CFP: variants seen among roughly 807,000 people sequenced by gnomAD.
CFP encodes the protein properdin.
CFP carries 14 observed loss-of-function variants against 42.1 expected under a neutral mutation model. The observed-to-expected ratio is 0.33, with a 90% CI of 0.22 to 0.52. The LOEUF is 0.52. Ranked by LOEUF, CFP falls within the 20% of genes least tolerant of loss-of-function variation. The pLI is 0.96. For synonymous variants in CFP, 149 were observed against 160.6 expected (o/e 0.93, Z 0.54); for missense variants, 318 against 400.4 (o/e 0.79, Z 1.76).
Position 47,627,660 on chromosome X carries a change from G to A in CFP, c.404-19C>T, listed in dbSNP as rs759575887. ...CCCATCTCTGTGGGAGAGAAGAGAGGGTAATGGGATGGAGGTGGGGTGTCA... is the reference window on the plus strand; with the variant it reads ...CCCATCTCTGTGGGAGAGAAGAGAGAGTAATGGGATGGAGGTGGGGTGTCA... On this transcript the variant is annotated intron_variant, in intron 3 of 8. Transcript: ENST00000396992. 4 of 1,178,331 alleles carry A rather than the reference G, an allele frequency of 3.4e-6. No homozygotes were observed. The Admixed American group carries it at 9.3e-5, about 27-fold the overall frequency.
chrX:47,627,206 G>T lies in CFP; in HGVS notation c.701C>A (p.Pro234His). 1 of 1,211,894 alleles carries T rather than the reference G, an allele frequency of 8.3e-7. No individual in the cohort carries two copies. Among genetic ancestry groups the T allele is most frequent in the Non-Finnish European group, 1.1e-6 (1 of 895,398 alleles). ...CSAPEPSQKP[P>H]GKPCPGLAYE... ...GGCTAGCCCCGGGCAGGGCTTCCCA[G>T]GAGGTTTCTGGGAGGGCTCAGGTGC... Residue 234 changes from proline to histidine, a missense_variant, in exon 5 of 9, where the codon CCT becomes CAT. Transcript: ENST00000396992.
Position 47,624,228 on chromosome X carries a change from T to C in CFP, c.*47A>G. On this transcript the variant is annotated 3_prime_UTR_variant, in exon 9 of 9. Transcript: ENST00000396992. ...GTAGACGAACTCGAAGAGGCTAGTT[T>C]ATTGAGGTTTGGAAGGTCAGGGGGC... 8.4e-7 allele frequency: 1 copy of C among 1,183,762 alleles called. No individual in the cohort carries two copies. The highest frequency in any genetic ancestry group is 1.1e-6 in the Non-Finnish European group (1 of 870,240).
In CFP at chrX:47,624,426, A is replaced by G. The variant is rs137980601; in HGVS notation, c.1259T>C (p.Met420Thr). Residue 420 changes from methionine to threonine, a missense_variant, in exon 9 of 9, where the codon ATG (methionine) becomes ACG (threonine). Physicochemically the swap from Met to Thr is moderately conservative, Grantham distance 81. Coordinates refer to ENST00000396992, the MANE Select transcript of CFP (RefSeq NM_001145252.3). ...GTTCTTCTCGCCCTGACCTTCGACCATGGAAACGGTGGGCCTGAGGCATTA... is the reference window on the plus strand; with the variant it reads ...GTTCTTCTCGCCCTGACCTTCGACCGTGGAAACGGTGGGCCTGAGGCATTA... ...LLPKYPPTVSMVEGQGEKNVT... is the reference protein window; with the variant it reads ...LLPKYPPTVSTVEGQGEKNVT... 2.5e-5 allele frequency: 30 copies of G among 1,207,342 alleles called. No homozygotes were observed. Among genetic ancestry groups the G allele is most frequent in the Non-Finnish European group, 3.2e-5 (29 of 894,151 alleles).
chrX:47,626,374 C>T lies in CFP; in HGVS notation c.1086G>A (p.Gly362=), dbSNP rs1163474042. ...AGCAGTGCCGGATATCCTGCTGTTG[C>T]CCGGCACATCGATGTCCGTCAAACT... ...GRKFDGHRCA[G]QQQDIRHCYS... Residue 362 remains glycine (G), a synonymous_variant, in exon 7 of 9, where the codon GGG becomes GGA. Transcript: ENST00000396992. The T allele has an allele frequency of 2.5e-6, 3 of 1,211,318 alleles. No homozygotes were observed. The highest frequency in any genetic ancestry group is 3.5e-5 in the South Asian group (2 of 56,892).
Position 47,624,061 on chromosome X carries a change from C to T in CFP, c.*214G>A, listed in dbSNP as rs995119531. On this transcript the variant is annotated 3_prime_UTR_variant, in exon 9 of 9. Coordinates refer to ENST00000396992, the MANE Select transcript of CFP (RefSeq NM_001145252.3). Reference sequence around the variant, plus strand: ...GACTGCACACTCGCTTTCACTCCTGCCAACCTGCGACCACAGTGGAAAATA... The same window carrying T: ...GACTGCACACTCGCTTTCACTCCTGTCAACCTGCGACCACAGTGGAAAATA... The T allele has an allele frequency of 5.5e-5, 24 of 437,483 alleles. No individual in the cohort carries two copies. Among genetic ancestry groups the T allele is most frequent in the Non-Finnish European group, 8.9e-5 (22 of 248,500 alleles). The allele number at this position is 437,483 out of a possible 1,213,427, so 36.1% of individuals were successfully genotyped here. A position where few individuals can be genotyped will look rare whatever the true frequency, so the allele number is the denominator to read the frequency against.
chrX:47,626,804 G>T lies in CFP; in HGVS notation c.909C>A (p.Thr303=). ...AGGGCACAGCTGTGTTGCAGATGTG[G>T]GTCCGGGTGGCATCGCCAGCACAGA... ...GPFCAGDATR[T]HICNTAVPCP... Residue 303 remains threonine (T), a synonymous_variant, in exon 6 of 9, where the codon ACC becomes ACA. Coordinates refer to ENST00000396992, the MANE Select transcript of CFP (RefSeq NM_001145252.3). 8.3e-7 allele frequency: 1 copy of T among 1,211,016 alleles called. No homozygotes were observed. The highest frequency in any genetic ancestry group is 1.1e-6 in the Non-Finnish European group (1 of 894,992).
chrX:47,629,702 T>TGGGGGGGGGG, intron 1 of CFP, 28 bp from the exon 2 acceptor site: 1 of 359,808 alleles, frequency 2.8e-6, no homozygotes, highest in Non-Finnish European at 4.9e-6. Flanking sequence ...GATGGGTGGG[T>TGGGGGGGGGG]GGGGCTCGGT....
intron 2 of CFP, 41 bp downstream of exon 2, chrX:47,629,483 C>A (rs1021405990): frequency 1.1e-5 from 9 of 813,532 alleles, no homozygotes; most frequent in African/African-American, 2.1e-5. Context: ...CACAGACAGT[C>A]CTTCCCTCCC....
intron 2 of CFP, chrX:47,628,814 A>T (rs2057979538): frequency 4.4e-6 from 1 of 225,717 alleles, no homozygotes; most frequent in Non-Finnish European, 8.3e-6. Context: ...CCCACGGTGT[A>T]TCTGGGATAT....
intron 4 of CFP, 39 bp downstream of exon 4, chrX:47,627,432 G>A: frequency 8.3e-7 from 1 of 1,209,173 alleles, no homozygotes. Context: ...GACCCACGCT[G>A]GGTGCACCCA....
intron 2 of CFP, 80 bp downstream of exon 2, chrX:47,629,443 GA>G: frequency 1.2e-6 from 1 of 836,232 alleles, no homozygotes; most frequent in Non-Finnish European, 1.7e-6. Flanking sequence ...AAGTCCCAGA[GA>G]AAGAAAGTGC....
intron 2 of CFP, 38 bp downstream of exon 2, chrX:47,629,486 T>TGCCACCCCC: frequency 1.5e-6 from 1 of 669,645 alleles, no homozygotes; most frequent in Non-Finnish European, 2.3e-6. Context: ...AGACAGTCCT[T>TGCCACCCCC]CCCTCCCCCC....
chrX:47,624,175 T>G lies in CFP; in HGVS notation c.*100A>C. The G allele has an allele frequency of 1.1e-6, 1 of 925,319 alleles. No individual in the cohort carries two copies. Among genetic ancestry groups the G allele is most frequent in the Non-Finnish European group, 1.6e-6 (1 of 636,088 alleles). 76.3% of individuals were successfully genotyped at this position (925,319 alleles called of 1,213,427 possible). A position where few individuals can be genotyped will look rare whatever the true frequency, so the allele number is the denominator to read the frequency against. On this transcript the variant is annotated 3_prime_UTR_variant, in exon 9 of 9. Coordinates refer to ENST00000396992, the MANE Select transcript of CFP (RefSeq NM_001145252.3). Reference sequence around the variant, plus strand: ...ATCACCCTACTTTTGGGGAAGGGGATAGGTTGTTTTTCCTCCTTTAAGGAA... The same window carrying G: ...ATCACCCTACTTTTGGGGAAGGGGAGAGGTTGTTTTTCCTCCTTTAAGGAA...
chrX:47,630,107 A>G, upstream of CFP: 1 of 406,215 alleles, frequency 2.5e-6, no homozygotes. Flanking sequence ...GTTCAATAGA[A>G]GCTCCTAGGA....
chrX:47,624,864 G>A (rs2057962770), intron 8 of CFP: 1 of 121,419 alleles, frequency 8.2e-6, no homozygotes, highest in South Asian at 2.9e-4. Context: ...GGATAAATGA[G>A]TTAATTCAGG....
Position 47,628,098 on chromosome X carries a change from T to G in CFP, c.403+4A>C, listed in dbSNP as rs2057976697. 8.3e-7 allele frequency: 1 copy of G among 1,211,210 alleles called. No individual in the cohort carries two copies. The highest frequency in any genetic ancestry group is 3.0e-5 in the East Asian group (1 of 33,839). On this transcript the variant is annotated splice_donor_region_variant and intron_variant, in intron 3 of 8. Coordinates refer to ENST00000396992, the MANE Select transcript of CFP (RefSeq NM_001145252.3). ...TGCTTGCCCGCCTTGCTCATCCTCC[T>G]CACCAGGACAGCACTGCTGGTCCTC...
At chrX:47,628,015 G>A (rs1253038647) in intron 3 of CFP, 87 bp downstream of exon 3, 4 of 1,064,203 alleles carry the variant, frequency 3.8e-6, no homozygotes, top group East Asian at 3.2e-5. Flanking sequence ...CACTGGGGAC[G>A]GGCCCACTCT....
At chrX:47,627,802 A>G (rs2057975561) in intron 3 of CFP, among the ~76,000 whole-genome samples, 161 bp from the exon 4 acceptor site, 1 of 111,491 alleles carries the variant, frequency 9.0e-6, no homozygotes, top group Non-Finnish European at 1.9e-5. Flanking sequence ...CAACCTTCAC[A>G]TGGGTGCCTC....
chrX:47,627,634 G>A lies in CFP; in HGVS notation c.411C>T (p.Gly137=), dbSNP rs1202037341. 4 of 1,195,944 alleles carry A rather than the reference G, an allele frequency of 3.3e-6. No individual in the cohort carries two copies. The highest frequency in any genetic ancestry group is 3.5e-5 in the African/African-American group (2 of 57,053). The change falls in exon 4 of 9, where the codon GGC becomes GGT. Residue 137 remains glycine (G), a synonymous_variant. Coordinates refer to ENST00000396992, the MANE Select transcript of CFP (RefSeq NM_001145252.3). ...CCCAGGGCCCCCAGCCAGACCAGCC[G>A]CCCATCTCTGTGGGAGAGAAGAGAG... ...CEDQQCCPEM[G]GWSGWGPWEP...
Sources: allele counts gnomAD v4.1 joint callset (sites outside exome capture counted in the v4.1 genomes callset), GRCh38; gene constraint gnomAD v4.1.1; transcripts MANE v1.5; gene names NCBI Gene and HGNC (gene_info 2026-07-23, HGNC 2026-07-21).